The following KCNAB2 variants were observed in gnomAD, a reference collection of about 807,000 sequenced individuals.
The protein encoded by KCNAB2 is potassium voltage-gated channel subfamily A regulatory beta subunit 2.
KCNAB2 carries 29 observed loss-of-function variants against 63.6 expected under a neutral mutation model. The observed-to-expected ratio is 0.46, with a 90% CI of 0.34 to 0.62. The LOEUF is 0.62. Among genes scored for constraint, KCNAB2 ranks in the 20% least tolerant of loss-of-function variants. KCNAB2 has a pLI of 0.01. For missense variants in KCNAB2, 359 were observed against 563.9 expected, an observed-to-expected ratio of 0.64 and a Z score of 3.68; for synonymous variants, 222 against 224.2, an observed-to-expected ratio of 0.99 and a Z score of 0.09.
chr1:6,063,090 A>G (rs558134126), intron 2 of KCNAB2, among the ~76,000 whole-genome samples: 2 of 151,216 alleles, frequency 1.3e-5, no homozygotes, highest in African/African-American at 4.9e-5. Flanking sequence ...GCAGTAGCGC[A>G]ACCTCGGCTT....
intron 10 of KCNAB2, among the ~76,000 whole-genome samples, chr1:6,092,664 T>G (rs976020635): frequency 6.6e-6 from 1 of 152,204 alleles, no homozygotes; most frequent in Admixed American, 6.5e-5. Context: ...CCTGGGACCC[T>G]CTAGGTTCTC....
In KCNAB2 at chr1:6,094,618, G is replaced by A. The variant is rs1407839574; in HGVS notation, c.732+133G>A. On this transcript the variant is annotated intron_variant, in intron 11 of 15. Coordinates refer to ENST00000378083, the MANE Select transcript of KCNAB2 (RefSeq NM_001199862.2). ...ACCGATGCCTGGGTGCTAAGGGAGG[G>A]ACAGGATGGTGGAGTGTGGTGGTTA... The A allele has an allele frequency of 3.7e-5, 26 of 698,870 alleles. No homozygotes were observed. In the South Asian group the frequency reaches 4.5e-4, roughly 12 times the overall value. 43.3% of individuals were successfully genotyped at this position (698,870 alleles called of 1,614,324 possible). A position where few individuals can be genotyped will look rare whatever the true frequency, so the allele number is the denominator to read the frequency against.
intron 1 of KCNAB2, among the ~76,000 whole-genome samples, chr1:6,005,405 G>A (rs1173633532): frequency 8.5e-6 from 1 of 117,632 alleles, no homozygotes; most frequent in Non-Finnish European, 1.7e-5. Flanking sequence ...GAGCTGAGCT[G>A]AGGGGTGGGG....
chr1:6,002,716 C>G (rs1021989711), intron 1 of KCNAB2, among the ~76,000 whole-genome samples: 3 of 152,192 alleles, frequency 2.0e-5, no homozygotes, highest in African/African-American at 4.8e-5. Flanking sequence ...GAGTGGATTT[C>G]CAGGGGAGCT....
In KCNAB2 at chr1:6,074,493, A is replaced by G. The variant is rs1329049194; in HGVS notation, c.300+723A>G. Among the ~76,000 whole-genome samples, 1 of 152,260 alleles carries G rather than the reference A, an allele frequency of 6.6e-6. No homozygotes were observed. Among genetic ancestry groups the G allele is most frequent in the Non-Finnish European group, 1.5e-5 (1 of 68,052 alleles). Reference sequence around the variant, plus strand: ...TCAGACAGCTCTGGGCATCTGCACAAGAAGCAGTTTTCACATTTATCCTAC... The same window carrying G: ...TCAGACAGCTCTGGGCATCTGCACAGGAAGCAGTTTTCACATTTATCCTAC... On this transcript the variant is annotated intron_variant, in intron 4 of 15. Transcript: ENST00000378083. This position sits in a 1 kb window ranked among gnomAD's most constrained non-coding sequence, Gnocchi z 4.9.
At chr1:6,098,292 G>C in intron 15 of KCNAB2, 193 bp from the exon 16 acceptor site, 1 of 1,405,156 alleles carries the variant, frequency 7.1e-7, no homozygotes, top group Non-Finnish European at 9.3e-7. Context: ...ACCCAGGCAT[G>C]CTTCCTCTCT....
At chr1:6,005,423 T>G (rs7416729) in intron 1 of KCNAB2, among the ~76,000 whole-genome samples, 126 of 738 alleles carry the variant, frequency 0.17, 27 homozygotes, top group East Asian at 0.5. Flanking sequence ...GGGGTGGAGT[T>G]GTGGGTTGTG....
chr1:6,062,444 T>C (rs190638593), intron 2 of KCNAB2, among the ~76,000 whole-genome samples: 4 of 152,334 alleles, frequency 2.6e-5, no homozygotes, highest in Admixed American at 2.0e-4. Context: ...TGTCCCTTAG[T>C]ATCATATCAT....
Position 6,003,660 on chromosome 1 carries a change from C to A in KCNAB2, c.-53+10872C>A, listed in dbSNP as rs1170514845. On this transcript the variant is annotated intron_variant, in intron 1 of 16. Transcript: ENST00000341524. This position sits in a 1 kb window ranked among gnomAD's most constrained non-coding sequence, Gnocchi z 4.1. The stretch of plus-strand genomic sequence containing the variant: ...AGGATAAAGTCACAGAGGTAGGATT[C>A]CTGGACCCCAAGCTCTGGACCTCTA... 1.3e-5 allele frequency among the ~76,000 whole-genome samples: 2 copies of A among 152,206 alleles called. No individual in the cohort carries two copies. The highest frequency in any genetic ancestry group is 4.8e-5 in the African/African-American group (2 of 41,438).
rs780737811 is a variant in KCNAB2 at position 6,074,162 on chromosome 1, G to C, written c.300+392G>C. Among the ~76,000 whole-genome samples the C allele has an allele frequency of 1.3e-5, 2 of 152,236 alleles. No individual in the cohort carries two copies. The highest frequency in any genetic ancestry group is 2.4e-5 in the African/African-American group (1 of 41,464). On this transcript the variant is annotated intron_variant, in intron 4 of 15. Coordinates refer to ENST00000378083, the MANE Select transcript of KCNAB2 (RefSeq NM_001199862.2). The surrounding 1 kb of genome is among the most constrained non-coding windows in gnomAD (Gnocchi z 4.9). ...TGCCCCCATGGAGGCTCCAGTAACT[G>C]TCTGTCTTGGTCATTGGGAATGCAG... is the stretch of plus-strand genomic sequence containing the variant.
upstream of KCNAB2, among the ~76,000 whole-genome samples, chr1:6,032,472 G>A (rs1266622594): frequency 1.3e-5 from 2 of 152,040 alleles, no homozygotes; most frequent in Non-Finnish European, 2.9e-5. Flanking sequence ...AGCTACTTGG[G>A]AGGCTGAGGC....
chr1:6,082,519 G>A (rs980815636), intron 5 of KCNAB2, among the ~76,000 whole-genome samples: 1 of 152,160 alleles, frequency 6.6e-6, no homozygotes, highest in Non-Finnish European at 1.5e-5. Flanking sequence ...AGTCCCTCTG[G>A]TGCCAAAGAT....
intron 1 of KCNAB2, among the ~76,000 whole-genome samples, chr1:6,005,020 TGGA>T (rs1657501977): frequency 2.4e-5 from 2 of 82,552 alleles, no homozygotes; most frequent in African/African-American, 4.4e-5. Flanking sequence ...GGGGTGAGGG[TGGA>T]GTAGGGGGAC....
At chr1:6,094,290 G>A (rs1050518212) in intron 10 of KCNAB2, 110 bp from the exon 11 acceptor site, 42 of 769,244 alleles carry the variant, frequency 5.5e-5, no homozygotes, top group Non-Finnish European at 8.2e-5. Context: ...AGACATCTTC[G>A]CAGCCCCTGT....
At chr1:6,044,265 A>G (rs914930118), upstream of KCNAB2, among the ~76,000 whole-genome samples, 2 of 152,194 alleles carry the variant, frequency 1.3e-5, no homozygotes, top group African/African-American at 4.8e-5. Context: ...CATGTACCCC[A>G]GGTCTCAAAT....
In KCNAB2 at chr1:6,010,869, G is replaced by A. The variant is rs566062701; in HGVS notation, c.-53+18081G>A. On this transcript the variant is annotated intron_variant, in intron 1 of 16. Coordinates refer to the KCNAB2 transcript ENST00000341524. ...GCGCTCTTCCCCAGAAATCATCGTG[G>A]AAGCGGCGAATGAGTGGCAGGAGGT... 6.8e-4 allele frequency among the ~76,000 whole-genome samples: 103 copies of A among 152,374 alleles called. 1 individual carries two copies. The highest frequency in any genetic ancestry group is 1.4e-3 in the Non-Finnish European group (92 of 68,030).
At chr1:6,081,763 G>A (rs140283302) in intron 4 of KCNAB2, among the ~76,000 whole-genome samples, 1 of 152,180 alleles carries the variant, frequency 6.6e-6, no homozygotes, top group East Asian at 1.9e-4. Flanking sequence ...ATAGGGTGTA[G>A]GACCCACCCT....
chr1:6,044,072 C>T (rs913942103), upstream of KCNAB2, among the ~76,000 whole-genome samples: 51 of 152,256 alleles, frequency 3.3e-4, no homozygotes, highest in African/African-American at 9.1e-4. Flanking sequence ...TCTCTTACGG[C>T]CTATGGTTGG....
rs1197883739 is a variant in KCNAB2 at position 6,035,527 on chromosome 1, G to A, written c.-53+733G>A. ...GCCCAGGGATGGATTGGATGTGGGA[G>A]GCGGGACGTGGGAGGAAGGGAGGAG... On this transcript the variant is annotated intron_variant, in intron 1 of 15. Transcript: ENST00000164247. The surrounding 1 kb of genome is among the most constrained non-coding windows in gnomAD (Gnocchi z 5.0). Among the ~76,000 whole-genome samples, 1 of 152,010 alleles carries A rather than the reference G, an allele frequency of 6.6e-6. No individual in the cohort carries two copies. The highest frequency in any genetic ancestry group is 2.4e-5 in the African/African-American group (1 of 41,396).
Sources: allele counts gnomAD v4.1 joint callset (sites outside exome capture counted in the v4.1 genomes callset), GRCh38; gene constraint gnomAD v4.1.1; non-coding constraint Gnocchi (gnomAD v3.1); transcripts MANE v1.5; gene names NCBI Gene and HGNC (gene_info 2026-07-23, HGNC 2026-07-21).